C8orf34: variants seen among roughly 807,000 people sequenced by gnomAD.
C8orf34 encodes uncharacterized protein C8orf34.
C8orf34 carries 65 observed loss-of-function variants against 68.3 expected under a neutral mutation model. The ratio of observed to expected loss-of-function variants is 0.95; its 90% CI spans 0.78 to 1.17. The LOEUF is 1.17. Among genes scored for constraint, C8orf34 ranks in the 50% most tolerant of loss-of-function variants. C8orf34 has a pLI of 0.00. For synonymous variants in C8orf34, 244 were observed against 241.2 expected, an observed-to-expected ratio of 1.01 and a Z score of -0.11; for missense variants, 664 against 655.4, an observed-to-expected ratio of 1.01 and a Z score of -0.14.
intron 7 of C8orf34, chr8:68,534,008 T>C: frequency 2.1e-6 from 2 of 948,238 alleles, no homozygotes; most frequent in Non-Finnish European, 2.5e-6. Flanking sequence ...ACGTTTTACA[T>C]ATAGAATATG....
chr8:68,817,736 AAGTGCCT>A (rs1282921163), intron 13 of C8orf34, among the ~76,000 whole-genome samples: 25 of 152,182 alleles, frequency 1.6e-4, no homozygotes, highest in Non-Finnish European at 3.7e-4. Flanking sequence ...AAAGAGGTTT[AAGTGCCT>A]CACAGTTCAG....
chr8:68,491,263 G>T, intron 5 of C8orf34, among the ~76,000 whole-genome samples: 1 of 151,122 alleles, frequency 6.6e-6, no homozygotes. Context: ...TTAAGTTGTG[G>T]GAATTCCATC....
intron 8 of C8orf34, among the ~76,000 whole-genome samples, chr8:68,677,521 G>A (rs1254217896): frequency 2.0e-5 from 3 of 152,032 alleles, no homozygotes; most frequent in Non-Finnish European, 4.4e-5. Flanking sequence ...ACCACACACA[G>A]CTAAGTCTTA....
intron 4 of C8orf34, among the ~76,000 whole-genome samples, chr8:68,475,598 T>C (rs181973447): frequency 1.2e-4 from 18 of 152,332 alleles, no homozygotes; most frequent in Admixed American, 1.1e-3. Context: ...AGATTTGACT[T>C]GTTTGCTGGG....
rs1441953413 is a variant in C8orf34 at position 68,401,617 on chromosome 8, TTGAAA to T, written c.328-37877_328-37873del. Among the ~76,000 whole-genome samples the T allele has an allele frequency of 3.3e-5, 5 of 150,698 alleles. No homozygotes were observed. The East Asian group carries it at 5.9e-4, about 18-fold the overall frequency. ...TGAATTTTTATCTTTTCTTCATCTC[TTGAAA>T]TGAAGCCTTTTCTTCATCTCTTGAA... On this transcript the variant is annotated intron_variant, in intron 1 of 13. Transcript: ENST00000518698.
chr8:68,426,529 A>T (rs528140924), intron 1 of C8orf34, among the ~76,000 whole-genome samples: 1 of 150,674 alleles, frequency 6.6e-6, no homozygotes, highest in Non-Finnish European at 1.5e-5. Context: ...AAAAAAAAAA[A>T]AAAAAAAAAA....
intron 6 of C8orf34, among the ~76,000 whole-genome samples, chr8:68,529,425 G>A (rs752534762): frequency 5.3e-5 from 8 of 152,046 alleles, no homozygotes; most frequent in African/African-American, 1.7e-4. Flanking sequence ...CTCGCAATCC[G>A]TATCTGTAAT....
intron 1 of C8orf34, among the ~76,000 whole-genome samples, chr8:68,430,455 T>G (rs969084823): frequency 2.0e-5 from 3 of 152,152 alleles, no homozygotes; most frequent in Non-Finnish European, 4.4e-5. Context: ...ACTGCTTACT[T>G]ATAGCCAATT....
Position 68,331,346 on chromosome 8 carries a change from C to T in C8orf34, c.327+7C>T. ...GATCGGTCCCCTGTTTGAGGTAAGG[C>T]GCTGTGGAGGAGGGCAGTCCCGTTG... On this transcript the variant is annotated splice_region_variant and intron_variant, in intron 1 of 13. Transcript: ENST00000518698. The T allele has an allele frequency of 6.5e-7, 1 of 1,536,232 alleles. No homozygotes were observed. The highest frequency in any genetic ancestry group is 1.2e-5 in the South Asian group (1 of 84,044).
intron 7 of C8orf34, among the ~76,000 whole-genome samples, chr8:68,636,848 C>T (rs567373811): frequency 6.6e-6 from 1 of 152,254 alleles, no homozygotes; most frequent in South Asian, 2.1e-4. Context: ...GTACCAGCAT[C>T]ATGGACACTG....
intron 6 of C8orf34, among the ~76,000 whole-genome samples, chr8:68,530,388 C>T (rs1239906356): frequency 2.6e-5 from 4 of 151,864 alleles, no homozygotes; most frequent in South Asian, 2.1e-4. Flanking sequence ...AAATCAAAAG[C>T]GAATGGGGCT....
chr8:68,476,325 G>T (rs919727511), intron 4 of C8orf34, among the ~76,000 whole-genome samples: 1 of 152,180 alleles, frequency 6.6e-6, no homozygotes, highest in Non-Finnish European at 1.5e-5. Context: ...GGGGTTTAGG[G>T]ACAACTTGAT....
At chr8:68,496,430 T>A (rs1317702122) in intron 5 of C8orf34, among the ~76,000 whole-genome samples, 1 of 152,236 alleles carries the variant, frequency 6.6e-6, no homozygotes, top group African/African-American at 2.4e-5. Context: ...AATTCAAATT[T>A]GAGCATAAAT....
chr8:68,448,291 T>C (rs1811204192), intron 3 of C8orf34, among the ~76,000 whole-genome samples: 2 of 152,120 alleles, frequency 1.3e-5, no homozygotes, highest in African/African-American at 4.8e-5. Context: ...CAACCTCTAG[T>C]TTCACTAGAC....
intron 1 of C8orf34, among the ~76,000 whole-genome samples, chr8:68,415,550 A>G (rs1246016327): frequency 1.3e-5 from 2 of 152,196 alleles, no homozygotes; most frequent in South Asian, 2.1e-4. Flanking sequence ...GATTGCATGC[A>G]GTAGTTTCTG....
At chr8:68,582,229 C>G (rs1004659027) in intron 7 of C8orf34, among the ~76,000 whole-genome samples, 4 of 152,140 alleles carry the variant, frequency 2.6e-5, no homozygotes, top group African/African-American at 9.7e-5. Context: ...GAAATATGAT[C>G]AGACAAAGAG....
chr8:68,684,968 T>A (rs2130888595), intron 8 of C8orf34, among the ~76,000 whole-genome samples: 1 of 152,194 alleles, frequency 6.6e-6, no homozygotes, highest in African/African-American at 2.4e-5. Context: ...TATTATAAAT[T>A]ATGTTTCATT....
chr8:68,651,080 T>C (rs935090880), intron 8 of C8orf34, among the ~76,000 whole-genome samples: 1 of 152,226 alleles, frequency 6.6e-6, no homozygotes, highest in African/African-American at 2.4e-5. Context: ...CCTAAATTTC[T>C]TTCTAGCTCC....
chr8:68,608,802 T>C (rs1817929835), intron 7 of C8orf34, among the ~76,000 whole-genome samples: 1 of 151,932 alleles, frequency 6.6e-6, no homozygotes, highest in Non-Finnish European at 1.5e-5. Flanking sequence ...TTTGCAGCAA[T>C]CCAACAGAGG....
Sources: allele counts gnomAD v4.1 joint callset (sites outside exome capture counted in the v4.1 genomes callset), GRCh38; gene constraint gnomAD v4.1.1; transcripts MANE v1.5; gene names NCBI Gene and HGNC (gene_info 2026-07-23, HGNC 2026-07-21).